The following BDP1 variants were observed in gnomAD, a reference collection of about 807,000 sequenced individuals.
BDP1 encodes the protein BDP1 general transcription factor IIIB subunit, also known as transcription factor TFIIIB component B'' homolog.
A neutral mutation model predicts 266.6 loss-of-function variants in BDP1; 169 were observed. That is an observed-to-expected ratio of 0.63 (90% CI 0.56 to 0.72). BDP1 has a LOEUF of 0.72. Among genes scored for constraint, BDP1 ranks in the 30% least tolerant of loss-of-function variants. The probability of loss-of-function intolerance (pLI) is 0.00; values close to 1 mark genes in which losing one functional copy is unlikely to be tolerated. For missense variants in BDP1, 3,015 were observed against 3,053.8 expected (o/e 0.99, Z 0.30); for synonymous variants, 1,090 against 1,022.4 (o/e 1.07, Z -1.26).
In BDP1 at chr5:71,514,927, T is replaced by C. The variant is rs1302456277; in HGVS notation, c.4471-17T>C. 1 of 1,567,350 alleles carries C rather than the reference T, an allele frequency of 6.4e-7. No individual in the cohort carries two copies. Among genetic ancestry groups the C allele is most frequent in the East Asian group, 2.3e-5 (1 of 43,776 alleles). On this transcript the variant is annotated splice_polypyrimidine_tract_variant and intron_variant, in intron 19 of 38. Coordinates refer to ENST00000358731, the MANE Select transcript of BDP1 (RefSeq NM_018429.3). ...ACTTTTAGCAACTGTGAATGAAATTTTTTTTCTGTCTTCTAGGATGAAGCT... is the reference window on the plus strand; with the variant it reads ...ACTTTTAGCAACTGTGAATGAAATTCTTTTTCTGTCTTCTAGGATGAAGCT...
chr5:71,558,323 G>T (rs1035213529), intron 36 of BDP1, among the ~76,000 whole-genome samples: 11 of 151,936 alleles, frequency 7.2e-5, no homozygotes, highest in Non-Finnish European at 1.5e-4. Flanking sequence ...ATCACCTGAG[G>T]TCAGCCTGGC....
intron 7 of BDP1, among the ~76,000 whole-genome samples, chr5:71,477,027 G>A (rs1485742947): frequency 1.4e-5 from 2 of 147,806 alleles, no homozygotes; most frequent in Admixed American, 6.7e-5. Flanking sequence ...TTTTTTTTAA[G>A]TAGAGATGGG....
chr5:71,505,853 A>G (rs1395689579), intron 16 of BDP1, among the ~76,000 whole-genome samples: 1 of 152,226 alleles, frequency 6.6e-6, no homozygotes, highest in Non-Finnish European at 1.5e-5. Context: ...AAAGTGAGAC[A>G]GACTCCTGTC....
At chr5:71,551,779 A>AC (rs1030135493) in intron 34 of BDP1, among the ~76,000 whole-genome samples, 69 of 143,632 alleles carry the variant, frequency 4.8e-4, no homozygotes, top group Admixed American at 1.5e-3. Flanking sequence ...AGGGGGGCTG[A>AC]CCCCCCCACC....
At position 71,522,308 on chromosome 5, in the gene BDP1, G is replaced by C. The variant is rs377012629; in HGVS notation, c.5011G>C (p.Val1671Leu). 60 of 1,613,360 alleles carry C rather than the reference G, an allele frequency of 3.7e-5. No individual in the cohort carries two copies. The highest frequency in any genetic ancestry group is 5.0e-5 in the Non-Finnish European group (59 of 1,179,732). ...TTCTAGACATGAAAATAAACCGTATGTTCCTAGTTCAGCACAAATGACAAG... is the reference window on the plus strand; with the variant it reads ...TTCTAGACATGAAAATAAACCGTATCTTCCTAGTTCAGCACAAATGACAAG... ...ETIRHENKPY[V>L]PSSAQMTRRK... The change falls in exon 23 of 39, where the codon GTT becomes CTT. Residue 1671 changes from valine to leucine, a missense_variant. Transcript: ENST00000358731.
At chr5:71,554,561 A>G (rs1743087053) in intron 35 of BDP1, among the ~76,000 whole-genome samples, 1 of 152,206 alleles carries the variant, frequency 6.6e-6, no homozygotes, top group African/African-American at 2.4e-5. Context: ...TGCAGACATT[A>G]TTTTGTTTTG....
rs1452086332 is a variant in BDP1 at position 71,544,474 on chromosome 5, C to G, written c.6530C>G (p.Thr2177Ser). Residue 2177 changes from threonine to serine, a missense_variant, in exon 31 of 39, where the codon ACC becomes AGC. By Grantham distance (58) the Thr-to-Ser change is moderately conservative. Coordinates refer to ENST00000358731, the MANE Select transcript of BDP1 (RefSeq NM_018429.3). ...KLACVHGIKG[T>S]SISSEVNLTE... The stretch of plus-strand genomic sequence containing the variant: ...GCATGTGTACATGGTATCAAAGGGA[C>G]CAGTATTTCTTCAGAAGTAAACCTA... 6.2e-7 allele frequency: 1 copy of G among 1,613,176 alleles called. No homozygotes were observed. The highest frequency in any genetic ancestry group is 8.5e-7 in the Non-Finnish European group (1 of 1,179,618).
intron 36 of BDP1, among the ~76,000 whole-genome samples, chr5:71,558,398 C>T (rs897764452): frequency 6.6e-6 from 1 of 151,702 alleles, no homozygotes; most frequent in African/African-American, 2.4e-5. Flanking sequence ...TGGTGGGCGC[C>T]TGTAATCCTA....
chr5:71,508,851 A>G (rs1316914739), intron 16 of BDP1, among the ~76,000 whole-genome samples: 1 of 152,226 alleles, frequency 6.6e-6, no homozygotes, highest in Non-Finnish European at 1.5e-5. Flanking sequence ...GCCCAGTAGC[A>G]TTCAGCAAAG....
chr5:71,533,968 A>G (rs989226565), intron 26 of BDP1, among the ~76,000 whole-genome samples: 5 of 152,132 alleles, frequency 3.3e-5, no homozygotes, highest in Non-Finnish European at 5.9e-5. Context: ...TTGAGTTGTA[A>G]GGAGTCTTTA....
At position 71,562,328 on chromosome 5, in the gene BDP1, G is replaced by A; in HGVS notation, c.7551G>A (p.Leu2517=). The part of the protein sequence containing the change: ...FLSLICSKNS[L]ESDEPMQVHS... ...CTTTAATATGCTCAAAGAATAGTTTGGAGTCTGATGAACCTATGCAAGTCC... is the reference window on the plus strand; with the variant it reads ...CTTTAATATGCTCAAAGAATAGTTTAGAGTCTGATGAACCTATGCAAGTCC... The change falls in exon 38 of 39, where the codon TTG becomes TTA. Residue 2517 remains leucine, a synonymous_variant. Transcript: ENST00000358731. 1.2e-6 allele frequency: 2 copies of A among 1,612,540 alleles called. No individual in the cohort carries two copies. Among genetic ancestry groups the A allele is most frequent in the Non-Finnish European group, 1.7e-6 (2 of 1,179,132 alleles).
chr5:71,520,689 T>TTTTTTTTTTTTG (rs1561743708), intron 22 of BDP1, among the ~76,000 whole-genome samples: 1 of 152,190 alleles, frequency 6.6e-6, no homozygotes, highest in African/African-American at 2.4e-5. Context: ...GGCATTGTTC[T>TTTTTTTTTTTTG]AAGTGCTGAT....
At chr5:71,534,487 T>A (rs1766462389) in intron 26 of BDP1, among the ~76,000 whole-genome samples, 1 of 147,162 alleles carries the variant, frequency 6.8e-6, no homozygotes, top group African/African-American at 2.5e-5. Flanking sequence ...TACTGTTACT[T>A]TGTAGTAAGT....
At chr5:71,524,677 C>T (rs565819750) in intron 25 of BDP1, among the ~76,000 whole-genome samples, 150 of 145,594 alleles carry the variant, frequency 1.0e-3, no homozygotes, top group Non-Finnish European at 1.9e-3. Context: ...GGGTGTTTCT[C>T]GCAGAGGGGG....
intron 22 of BDP1, among the ~76,000 whole-genome samples, chr5:71,518,172 TGTATA>T (rs1282306990): frequency 1.3e-5 from 2 of 152,232 alleles, no homozygotes; most frequent in South Asian, 4.1e-4. Flanking sequence ...CTTTCCTTTC[TGTATA>T]TAGTTCTTGG....
Position 71,458,610 on chromosome 5 carries a change from G to A in BDP1, c.244G>A (p.Glu82Lys). The A allele has an allele frequency of 1.2e-6, 2 of 1,613,014 alleles. No homozygotes were observed. Among genetic ancestry groups the A allele is most frequent in the South Asian group, 1.1e-5 (1 of 90,950 alleles). Residue 82 changes from glutamate (E) to lysine (K), a missense_variant, in exon 2 of 39, where the codon GAA becomes AAA. Physicochemically the swap from Glu to Lys is moderately conservative, Grantham distance 56. Transcript: ENST00000358731. ...AAAGACTGGTGGTGACAATGATGTT[G>A]AAGAATCCAGTAGATCTTCCTCTAC... ...TEKTGGDNDV[E>K]ESSRSSSTVS...
chr5:71,555,476 A>G (rs1394238668), intron 35 of BDP1, among the ~76,000 whole-genome samples: 9 of 137,034 alleles, frequency 6.6e-5, no homozygotes, highest in Admixed American at 1.6e-4. Context: ...TTTCTCTCCT[A>G]TTGCCCAGGC....
Position 71,539,076 on chromosome 5 carries a change from C to T in BDP1, c.5927C>T (p.Pro1976Leu), listed in dbSNP as rs779714461. ...ACAAGTGAACATATCCAAGATGAAC[C>T]AGGTAACTGTTATCAAGGAAACTGC... ...MTTSEHIQDE[P>L]GTNDGSTEAA... The change falls in exon 27 of 39, where the codon CCA becomes CTA. Residue 1976 changes from proline to leucine, a missense_variant and splice_region_variant. Pro to Leu is a moderately conservative substitution (Grantham distance 98). This residue lies in a region of BDP1 where 2,383 missense variants were observed against 2,404.9 expected (regional missense o/e 0.99). Coordinates refer to ENST00000358731, the MANE Select transcript of BDP1 (RefSeq NM_018429.3). 1 of 1,600,042 alleles carries T rather than the reference C, an allele frequency of 6.2e-7. No individual in the cohort carries two copies. The highest frequency in any genetic ancestry group is 2.2e-5 in the East Asian group (1 of 44,576).
chr5:71,534,282 ACTTATGT>A (rs993817667), intron 26 of BDP1, among the ~76,000 whole-genome samples: 1 of 152,180 alleles, frequency 6.6e-6, no homozygotes, highest in African/African-American at 2.4e-5. Context: ...TCATTATCCA[ACTTATGT>A]CTTTTGCATG....
Sources: gnomAD v4.1 joint callset for allele counts (sites outside exome capture counted in the v4.1 genomes callset) on GRCh38, gnomAD v4.1.1 for gene constraint, gnomAD v4.1.1 regional missense constraint, MANE v1.5 for transcripts, NCBI Gene and HGNC (gene_info 2026-07-23, HGNC 2026-07-21) for gene names.